The following GABPB2 variants were observed in gnomAD, a reference collection of about 807,000 sequenced individuals.
GABPB2 encodes the protein GA-binding protein subunit beta-2.
Under a neutral mutation model 39.1 loss-of-function variants are expected in GABPB2, and 23 were observed. The observed-to-expected ratio is 0.59, with a 90% confidence interval of 0.42 to 0.83. The LOEUF is 0.83. Ranked by LOEUF, GABPB2 falls within the 40% of genes least tolerant of loss-of-function variation. The probability of loss-of-function intolerance (pLI) is 0.00; values close to 1 mark genes in which losing one functional copy is unlikely to be tolerated. For missense variants in GABPB2, 467 were observed against 541.1 expected (o/e 0.86, Z 1.36); for synonymous variants, 184 against 199.3 (o/e 0.92, Z 0.65).
Position 151,104,771 on chromosome 1 carries a change from TTC to T in GABPB2, c.736+1102_736+1103del, listed in dbSNP as rs199509376. 3.5e-3 allele frequency among the ~76,000 whole-genome samples: 377 copies of T among 107,934 alleles called. 2 individuals are homozygous for T. Among genetic ancestry groups the T allele is most frequent in the African/African-American group, 0.012 (288 of 25,000 alleles). The allele number at this position is 107,934 out of a possible 152,430, so 70.8% of individuals were successfully genotyped here. A position where few individuals can be genotyped will look rare whatever the true frequency, so the allele number is the denominator to read the frequency against. On this transcript the variant is annotated intron_variant, in intron 6 of 8. Transcript: ENST00000368918. Reference sequence around the variant, plus strand: ...GTTCTATCTGTGACTCTTTCTTTCTTTCTCTCTTTCTTTCTTTCTTTCTTTCT... The same window carrying T: ...GTTCTATCTGTGACTCTTTCTTTCTTTCTCTTTCTTTCTTTCTTTCTTTCT...
At chr1:151,084,215 T>G (rs1277377982) in intron 1 of GABPB2, among the ~76,000 whole-genome samples, 2 of 151,808 alleles carry the variant, frequency 1.3e-5, no homozygotes, top group Non-Finnish European at 2.9e-5. Flanking sequence ...CCCAGCTGTT[T>G]TTTTTTGTTT....
At chr1:151,084,627 C>G (rs1191326879) in intron 1 of GABPB2, among the ~76,000 whole-genome samples, 2 of 149,760 alleles carry the variant, frequency 1.3e-5, no homozygotes. Context: ...CTCCGCCTCC[C>G]AGGTTCATGC....
intron 6 of GABPB2, among the ~76,000 whole-genome samples, chr1:151,105,807 CTATTATT>C (rs1273331287): frequency 6.6e-6 from 1 of 151,362 alleles, no homozygotes; most frequent in African/African-American, 2.4e-5. Flanking sequence ...ACCCAGCCAG[CTATTATT>C]CTTGATTTAT....
rs374533474 is a variant in GABPB2 at position 151,090,278 on chromosome 1, C to T, written c.109-128C>T. 9 of 861,178 alleles carry T rather than the reference C, an allele frequency of 1.0e-5. No homozygotes were observed. In the East Asian group the frequency reaches 1.4e-4, roughly 13 times the overall value. The allele number at this position is 861,178 out of a possible 1,614,324, so 53.3% of individuals were successfully genotyped here. A position where few individuals can be genotyped will look rare whatever the true frequency, so the allele number is the denominator to read the frequency against. On this transcript the variant is annotated intron_variant, in intron 2 of 8. Transcript: ENST00000368918. Reference sequence around the variant, plus strand: ...TAATTTGTAAATTTAAGCATTTTTTCAGTTTTATCTGCCCAACCAGATTCT... The same window carrying T: ...TAATTTGTAAATTTAAGCATTTTTTTAGTTTTATCTGCCCAACCAGATTCT...
At position 151,123,148 on chromosome 1, in the gene GABPB2, T is replaced by G. The variant is rs1681239455; in HGVS notation, c.*4892T>G. 6.6e-6 allele frequency: 1 copy of G among 152,212 alleles called. No homozygotes were observed. Among genetic ancestry groups the G allele is most frequent in the Admixed American group, 6.5e-5 (1 of 15,270 alleles). 9.4% of individuals were successfully genotyped at this position (152,212 alleles called of 1,614,324 possible). ...ACTGTTTATTGGCAAGGTTGGATTA[T>G]TAAGAATCAAATAGCAGACAAAAAT... On this transcript the variant is annotated 3_prime_UTR_variant, in exon 9 of 9. Transcript: ENST00000368918.
At position 151,072,702 on chromosome 1, in the gene GABPB2, C is replaced by T. The variant is rs587650266; in HGVS notation, c.-1+1768C>T. On this transcript the variant is annotated intron_variant, in intron 1 of 8. Coordinates refer to ENST00000368918, the MANE Select transcript of GABPB2 (RefSeq NM_144618.3). ...TTCTACTAAAAATACAAAAAATTAG[C>T]CGGGCGTGGTGGCACACACCTGTAA... Among the ~76,000 whole-genome samples, 3 of 152,274 alleles carry T rather than the reference C, an allele frequency of 2.0e-5. No individual in the cohort carries two copies. In the South Asian group the frequency reaches 6.2e-4, roughly 32 times the overall value.
chr1:151,104,347 C>T (rs1679768961), intron 6 of GABPB2, among the ~76,000 whole-genome samples: 1 of 152,172 alleles, frequency 6.6e-6, no homozygotes, highest in Admixed American at 6.6e-5. Context: ...GCCATCTGCT[C>T]CATCATATAT....
At position 151,107,106 on chromosome 1, in the gene GABPB2, G is replaced by GT; in HGVS notation, c.806_807insT (p.Gln270ProfsTer9). ...ATCCAGCAAGTAATGGGGAGTGGAG[G>GT]CCAGAGGGTCATCACCATAGTGACT... On this transcript the variant is annotated frameshift_variant, in exon 7 of 9. Coordinates refer to ENST00000368918, the MANE Select transcript of GABPB2 (RefSeq NM_144618.3). LOFTEE classifies it high-confidence loss of function. 3 of 1,612,786 alleles carry GT rather than the reference G, an allele frequency of 1.9e-6. No individual in the cohort carries two copies. The highest frequency in any genetic ancestry group is 2.5e-6 in the Non-Finnish European group (3 of 1,179,002).
At chr1:151,108,779 AT>A (rs1224978852) in intron 7 of GABPB2, among the ~76,000 whole-genome samples, 16 of 152,150 alleles carry the variant, frequency 1.1e-4, no homozygotes, top group Non-Finnish European at 1.9e-4. Flanking sequence ...ATATGCTTTT[AT>A]AGTCTTGATG....
chr1:151,078,510 A>G (rs1342125978), intron 1 of GABPB2, among the ~76,000 whole-genome samples: 6 of 149,294 alleles, frequency 4.0e-5, no homozygotes, highest in Middle Eastern at 3.5e-3. Flanking sequence ...GGAGAATGGC[A>G]TGAATCCGGG....
chr1:151,103,547 T>C lies in GABPB2; in HGVS notation c.623-15T>C, dbSNP rs1679704302. Reference sequence around the variant, plus strand: ...TCTCTACATTGGACCTCATTTGTCTTTCTTACTGAAATAGGTGACCCCCAT... The same window carrying C: ...TCTCTACATTGGACCTCATTTGTCTCTCTTACTGAAATAGGTGACCCCCAT... On this transcript the variant is annotated splice_polypyrimidine_tract_variant and intron_variant, in intron 5 of 8. Transcript: ENST00000368918. 6.3e-7 allele frequency: 1 copy of C among 1,579,140 alleles called. No individual in the cohort carries two copies. Among genetic ancestry groups the C allele is most frequent in the Non-Finnish European group, 8.7e-7 (1 of 1,150,182 alleles).
At chr1:151,104,775 C>CTCTT (rs1553266329) in intron 6 of GABPB2, among the ~76,000 whole-genome samples, 942 of 53,516 alleles carry the variant, frequency 0.018, 10 homozygotes, top group African/African-American at 0.031. Flanking sequence ...CTTTCTTTCT[C>CTCTT]TCTTTCTTTC....
intron 7 of GABPB2, among the ~76,000 whole-genome samples, chr1:151,107,804 C>T (rs752049984): frequency 1.4e-4 from 21 of 151,936 alleles, no homozygotes; most frequent in South Asian, 2.1e-4. Context: ...GGCATGGTGG[C>T]GCACGCCTAT....
intron 8 of GABPB2, 90 bp downstream of exon 8, chr1:151,117,606 C>T (rs182352098): frequency 3.0e-5 from 42 of 1,396,942 alleles, no homozygotes; most frequent in Admixed American, 1.3e-4. Flanking sequence ...CTTTTTGAGA[C>T]GGAGTCTTGC....
chr1:151,087,765 A>G (rs1032665866), intron 1 of GABPB2, among the ~76,000 whole-genome samples: 1 of 152,110 alleles, frequency 6.6e-6, no homozygotes, highest in Admixed American at 6.6e-5. Flanking sequence ...GGCTCTCATA[A>G]TTTCCATCAA....
chr1:151,074,826 C>A (rs989586414), intron 1 of GABPB2, among the ~76,000 whole-genome samples: 6 of 152,092 alleles, frequency 3.9e-5, no homozygotes, highest in African/African-American at 1.4e-4. Context: ...ATCTGTATCT[C>A]GTGCTGACCT....
chr1:151,075,724 AAAAAAACCC>A (rs1288470712), intron 1 of GABPB2, among the ~76,000 whole-genome samples: 1 of 148,600 alleles, frequency 6.7e-6, no homozygotes, highest in African/African-American at 2.4e-5. Context: ...AACCCCCCCC[AAAAAAACCC>A]AAAAAAACAC....
intron 5 of GABPB2, among the ~76,000 whole-genome samples, chr1:151,101,667 T>C (rs996122597): frequency 1.3e-5 from 2 of 152,096 alleles, no homozygotes; most frequent in African/African-American, 4.8e-5. Flanking sequence ...CAAAGCTTAA[T>C]GTCATGCCAG....
chr1:151,096,600 A>G (rs953916851), intron 4 of GABPB2, among the ~76,000 whole-genome samples: 2 of 152,170 alleles, frequency 1.3e-5, no homozygotes, highest in African/African-American at 4.8e-5. Context: ...ATGTTTGTAG[A>G]AAATTGCTTC....
Sources: allele counts gnomAD v4.1 joint callset (sites outside exome capture counted in the v4.1 genomes callset), GRCh38; gene constraint gnomAD v4.1.1; transcripts MANE v1.5; gene names NCBI Gene and HGNC (gene_info 2026-07-23, HGNC 2026-07-21).